Variants in SAMD7 observed in about 807,000 individuals in gnomAD.
SAMD7 encodes sterile alpha motif domain-containing protein 7.
A neutral mutation model predicts 36.7 loss-of-function variants in SAMD7; 34 were observed. That is an observed-to-expected ratio of 0.93 (90% CI 0.71 to 1.23). The LOEUF is 1.23. SAMD7 is among the 50% of genes most tolerant of loss of function. The pLI is 0.00. For missense variants in SAMD7, 570 were observed against 546.6 expected (o/e 1.04, Z -0.43); for synonymous variants, 188 against 189.7 (o/e 0.99, Z 0.07).
At chr3:169,926,069 T>C (rs1262460805) in intron 5 of SAMD7, 3 of 370,544 alleles carry the variant, frequency 8.1e-6, no homozygotes, top group Admixed American at 3.6e-5. Flanking sequence ...AGGGGTCCAA[T>C]TGAGGACCAA....
At chr3:169,916,987 T>G (rs1379315771) in intron 2 of SAMD7, among the ~76,000 whole-genome samples, 7 of 152,224 alleles carry the variant, frequency 4.6e-5, no homozygotes, top group African/African-American at 1.4e-4. Context: ...TAGCACAGAT[T>G]TTTATTCTAA....
At chr3:169,914,531 A>G (rs1007063240) in intron 1 of SAMD7, among the ~76,000 whole-genome samples, 2 of 152,226 alleles carry the variant, frequency 1.3e-5, no homozygotes, top group African/African-American at 2.4e-5. Flanking sequence ...ACATTTCTGC[A>G]GGCACTTGGA....
intron 7 of SAMD7, among the ~76,000 whole-genome samples, chr3:169,929,782 A>G (rs1395673980): frequency 6.6e-6 from 1 of 152,242 alleles, no homozygotes; most frequent in Non-Finnish European, 1.5e-5. Context: ...GCCAAGCCTC[A>G]AGTTACTTAT....
chr3:169,933,355 G>C (rs1280485751), intron 7 of SAMD7: 1 of 316,826 alleles, frequency 3.2e-6, no homozygotes, highest in Non-Finnish European at 5.9e-6. Flanking sequence ...ACAGGGGACA[G>C]GGTGGCCTTG....
At chr3:169,932,870 G>T in intron 7 of SAMD7, 2 of 625,344 alleles carry the variant, frequency 3.2e-6, no homozygotes, top group South Asian at 1.5e-5. Context: ...TGACAATGCT[G>T]ACTGCCATTA....
chr3:169,926,201 AT>A, intron 5 of SAMD7: 1 of 1,097,284 alleles, frequency 9.1e-7, no homozygotes, highest in Non-Finnish European at 1.2e-6. Context: ...TCTCACTAAG[AT>A]TATTTTGCAG....
chr3:169,925,704 C>T (rs1346335940), intron 5 of SAMD7, among the ~76,000 whole-genome samples: 1 of 152,106 alleles, frequency 6.6e-6, no homozygotes, highest in Non-Finnish European at 1.5e-5. Flanking sequence ...CCAGCCTGGG[C>T]AACAGAGTGA....
rs1713799284 is a variant in SAMD7 at position 169,938,402 on chromosome 3, T to G, written c.1237T>G (p.Ser413Ala). Residue 413 changes from serine to alanine, a missense_variant, in exon 9 of 9, where the codon TCC (serine) becomes GCC (alanine). Ser to Ala is a moderately conservative substitution (Grantham distance 99). Coordinates refer to ENST00000335556, the MANE Select transcript of SAMD7 (RefSeq NM_001304366.2). ...AGCATTTGATCAACCAGCAGATACA[T>G]CCCCTCTTCTGGATCCTAATTCCTG... ...RQAFDQPADT[S>A]PLLDPNSWSD... 1 of 1,608,646 alleles carries G rather than the reference T, an allele frequency of 6.2e-7. No individual in the cohort carries two copies. The highest frequency in any genetic ancestry group is 1.3e-5 in the African/African-American group (1 of 74,828).
In SAMD7 at chr3:169,919,559, C is replaced by G; in HGVS notation, c.61C>G (p.Pro21Ala). Residue 21 changes from proline (P) to alanine (A), a missense_variant, in exon 3 of 9, where the codon CCA becomes GCA. Coordinates refer to ENST00000335556, the MANE Select transcript of SAMD7 (RefSeq NM_001304366.2). ...GQQTIPLIPS[P>A]FGPPTVDRDV... The stretch of plus-strand genomic sequence containing the variant: ...GCAGACAATCCCACTGATCCCCTCA[C>G]CATTTGGGCCTCCAACTGTGGACAG... 6.2e-7 allele frequency: 1 copy of G among 1,613,902 alleles called. No individual in the cohort carries two copies. The highest frequency in any genetic ancestry group is 8.5e-7 in the Non-Finnish European group (1 of 1,179,770).
chr3:169,920,066 C>G (rs868596373), intron 3 of SAMD7, among the ~76,000 whole-genome samples: 1 of 152,060 alleles, frequency 6.6e-6, no homozygotes. Flanking sequence ...CCCAGCTACT[C>G]GGGAGGCTGA....
chr3:169,926,491 C>G, intron 5 of SAMD7, 62 bp from the exon 6 acceptor site: 1 of 1,469,140 alleles, frequency 6.8e-7, no homozygotes, highest in South Asian at 1.3e-5. Flanking sequence ...GACAAGGGGT[C>G]ATTAAAATTA....
rs1713809698 is a variant in SAMD7, at chr3:169,938,578, G to A, written c.*72G>A. 4.2e-6 allele frequency: 4 copies of A among 953,378 alleles called. No homozygotes were observed. Among genetic ancestry groups the A allele is most frequent in the Non-Finnish European group, 6.3e-6 (4 of 634,868 alleles). 59.1% of individuals were successfully genotyped at this position (953,378 alleles called of 1,614,324 possible). ...CTAGGATATTACAAAGGATGTGTGA[G>A]GATTTCCCAGTACTGGATGGAGAAT... On this transcript the variant is annotated 3_prime_UTR_variant, in exon 9 of 9. Transcript: ENST00000335556.
rs773127445 is a variant in SAMD7 at position 169,932,257 on chromosome 3, C to A, written c.1041+3679C>A. The A allele has an allele frequency of 8.5e-5, 72 of 848,034 alleles. 1 individual carries two copies. The Middle Eastern group carries it at 1.7e-3, about 20-fold the overall frequency. The allele number at this position is 848,034 out of a possible 1,614,324, so 52.5% of individuals were successfully genotyped here. A position where few individuals can be genotyped will look rare whatever the true frequency, so the allele number is the denominator to read the frequency against. On this transcript the variant is annotated intron_variant, in intron 7 of 8. Coordinates refer to ENST00000335556, the MANE Select transcript of SAMD7 (RefSeq NM_001304366.2). ...AGTGTACTGTGAAGAGACACCAGAG[C>A]TGGGGGCAATCATGCATGCCATGGC...
At chr3:169,912,348 A>G (rs1187755203) in intron 1 of SAMD7, among the ~76,000 whole-genome samples, 1 of 152,216 alleles carries the variant, frequency 6.6e-6, no homozygotes, top group African/African-American at 2.4e-5. Context: ...TAAAATCTAT[A>G]TTGATATTCC....
chr3:169,934,339 A>G lies in SAMD7; in HGVS notation c.1042-2000A>G, dbSNP rs961205714. Among the ~76,000 whole-genome samples the G allele has an allele frequency of 6.6e-5, 10 of 152,228 alleles. No homozygotes were observed. In the East Asian group the frequency reaches 1.9e-3, roughly 29 times the overall value. On this transcript the variant is annotated intron_variant, in intron 7 of 8. Coordinates refer to ENST00000335556, the MANE Select transcript of SAMD7 (RefSeq NM_001304366.2). The stretch of plus-strand genomic sequence containing the variant: ...GTGGGGGCAGGAGGATAAGAACACA[A>G]CCTAGAGGAGGCAGGGCAAGATGGC...
At chr3:169,920,845 G>C (rs1213011019) in intron 3 of SAMD7, among the ~76,000 whole-genome samples, 1 of 152,106 alleles carries the variant, frequency 6.6e-6, no homozygotes, top group Non-Finnish European at 1.5e-5. Context: ...GATCCCAGAT[G>C]GTAAACCCAA....
At chr3:169,930,578 CTTTTTTTTTT>C (rs772549629) in intron 7 of SAMD7, among the ~76,000 whole-genome samples, 1 of 101,724 alleles carries the variant, frequency 9.8e-6, no homozygotes, top group Non-Finnish European at 1.9e-5. Flanking sequence ...CCTTTCTTTT[CTTTTTTTTTT>C]TTTTTTTTTT....
chr3:169,924,949 G>GC, intron 4 of SAMD7, 109 bp from the exon 5 acceptor site: 1 of 570,860 alleles, frequency 1.8e-6, no homozygotes, highest in Non-Finnish European at 2.9e-6. Flanking sequence ...TTGCTGGTTT[G>GC]TTTTTTTTTT....
intron 1 of SAMD7, among the ~76,000 whole-genome samples, chr3:169,912,707 C>A (rs142464310): frequency 9.8e-5 from 15 of 152,286 alleles, no homozygotes; most frequent in African/African-American, 3.6e-4. Flanking sequence ...CAGCAGCCAG[C>A]ACGTAACCCA....
Sources: gnomAD v4.1 joint callset for allele counts (sites outside exome capture counted in the v4.1 genomes callset) on GRCh38, gnomAD v4.1.1 for gene constraint, MANE v1.5 for transcripts, NCBI Gene and HGNC (gene_info 2026-07-23, HGNC 2026-07-21) for gene names.